CADPS2: variants seen among roughly 807,000 people sequenced by gnomAD.
The protein encoded by CADPS2 is calcium dependent secretion activator 2.
A neutral mutation model predicts 172.5 loss-of-function variants in CADPS2; 93 were observed. The ratio of observed to expected loss-of-function variants is 0.54; its 90% CI spans 0.46 to 0.64. CADPS2 has a LOEUF of 0.64. Among genes scored for constraint, CADPS2 ranks in the 30% least tolerant of loss-of-function variants. The pLI is 0.00. For synonymous variants in CADPS2, 546 were observed against 555.2 expected (o/e 0.98, Z 0.23); for missense variants, 1,420 against 1,565.9 (o/e 0.91, Z 1.57).
At chr7:122,757,843 T>C (rs1010853339) in intron 1 of CADPS2, among the ~76,000 whole-genome samples, 15 of 152,100 alleles carry the variant, frequency 9.9e-5, no homozygotes, top group African/African-American at 3.1e-4. Flanking sequence ...GACAAAGTGA[T>C]ACAAGTCTTA....
At chr7:122,501,983 C>G (rs2059244954) in intron 9 of CADPS2, among the ~76,000 whole-genome samples, 1 of 148,260 alleles carries the variant, frequency 6.7e-6, no homozygotes, top group South Asian at 2.2e-4. Context: ...TTATTTTATA[C>G]ATTCTCATTC....
intron 1 of CADPS2, among the ~76,000 whole-genome samples, chr7:122,766,548 G>A (rs1261198573): frequency 3.9e-5 from 6 of 152,080 alleles, no homozygotes; most frequent in Admixed American, 3.9e-4. Flanking sequence ...TAGGACAACT[G>A]TTCATTCCTT....
chr7:122,508,396 T>C (rs1166618283), intron 9 of CADPS2, among the ~76,000 whole-genome samples: 1 of 151,126 alleles, frequency 6.6e-6, no homozygotes, highest in Non-Finnish European at 1.5e-5. Flanking sequence ...AGGAGGATTG[T>C]TAAAGTACAT....
intron 26 of CADPS2, 36 bp from the exon 27 acceptor site, chr7:122,360,856 A>T: frequency 6.3e-7 from 1 of 1,586,204 alleles, no homozygotes; most frequent in Admixed American, 1.8e-5. Context: ...CATGAGAATT[A>T]TTTTTTTAAC....
intron 27 of CADPS2, among the ~76,000 whole-genome samples, chr7:122,348,044 A>C (rs1276820214): frequency 1.3e-5 from 2 of 152,218 alleles, no homozygotes; most frequent in East Asian, 3.8e-4. Flanking sequence ...AGTTGGGTAC[A>C]GCCCAGTTGA....
chr7:122,724,712 G>C (rs1359066061), intron 2 of CADPS2, among the ~76,000 whole-genome samples: 2 of 151,934 alleles, frequency 1.3e-5, no homozygotes, highest in African/African-American at 4.8e-5. Flanking sequence ...AATCCAGATA[G>C]AACAAAACTC....
At chr7:122,699,048 G>C in intron 2 of CADPS2, 1 of 655,600 alleles carries the variant, frequency 1.5e-6, no homozygotes, top group Non-Finnish European at 2.6e-6. Context: ...GCATGTTTTT[G>C]TAAGAAATTC....
intron 1 of CADPS2, among the ~76,000 whole-genome samples, chr7:122,880,107 C>G (rs1009344683): frequency 1.1e-4 from 17 of 152,184 alleles, no homozygotes; most frequent in African/African-American, 4.1e-4. Context: ...AGTTTGCCCA[C>G]TAACGGTTTT....
At chr7:122,758,361 C>T (rs1234765375) in intron 1 of CADPS2, among the ~76,000 whole-genome samples, 2 of 152,072 alleles carry the variant, frequency 1.3e-5, no homozygotes, top group African/African-American at 4.8e-5. Flanking sequence ...AGAATATATC[C>T]AATTCTTTGC....
At chr7:122,412,493 C>T (rs926447886) in intron 19 of CADPS2, among the ~76,000 whole-genome samples, 1 of 152,182 alleles carries the variant, frequency 6.6e-6, no homozygotes, top group South Asian at 2.1e-4. Flanking sequence ...CACATATGCA[C>T]AAATACGTGT....
intron 2 of CADPS2, among the ~76,000 whole-genome samples, chr7:122,696,422 C>T (rs1358120609): frequency 6.6e-6 from 1 of 152,194 alleles, no homozygotes; most frequent in Admixed American, 6.5e-5. Context: ...CAAGGCATGG[C>T]TCACACCTGG....
intron 3 of CADPS2, among the ~76,000 whole-genome samples, chr7:122,643,229 C>T (rs149071465): frequency 0.012 from 1,898 of 152,226 alleles, 19 homozygotes; most frequent in Non-Finnish European, 0.019. Flanking sequence ...GGCCTCAAAA[C>T]AATGGTCAAA....
At chr7:122,481,335 A>T (rs2152263520) in intron 11 of CADPS2, among the ~76,000 whole-genome samples, 1 of 152,256 alleles carries the variant, frequency 6.6e-6, no homozygotes, top group South Asian at 2.1e-4. Context: ...TGTTGTTAAC[A>T]AATTGAAACA....
intron 9 of CADPS2, among the ~76,000 whole-genome samples, chr7:122,510,621 T>C (rs1194263921): frequency 6.6e-6 from 1 of 152,144 alleles, no homozygotes; most frequent in Non-Finnish European, 1.5e-5. Flanking sequence ...AGATTCACAT[T>C]ATCAACAGAG....
intron 1 of CADPS2, among the ~76,000 whole-genome samples, chr7:122,834,642 G>A (rs548702095): frequency 9.8e-5 from 15 of 152,294 alleles, no homozygotes; most frequent in South Asian, 8.3e-4. Flanking sequence ...GATTATATAC[G>A]GCGCCTGGCT....
chr7:122,571,260 G>A (rs1484217547), intron 7 of CADPS2, among the ~76,000 whole-genome samples: 1 of 152,080 alleles, frequency 6.6e-6, no homozygotes, highest in Non-Finnish European at 1.5e-5. Flanking sequence ...TAGTGTTTTT[G>A]CTAAGTGCCA....
At chr7:122,527,525 A>G (rs1323562648) in intron 8 of CADPS2, among the ~76,000 whole-genome samples, 1 of 151,722 alleles carries the variant, frequency 6.6e-6, no homozygotes, top group African/African-American at 2.4e-5. Context: ...AAATTGACTT[A>G]AAAGAGTAGA....
At chr7:122,415,600 C>T (rs1276374101) in intron 18 of CADPS2, among the ~76,000 whole-genome samples, 1 of 123,706 alleles carries the variant, frequency 8.1e-6, no homozygotes. Flanking sequence ...AAATACAGAA[C>T]CAAAAAAAAA....
rs1563430595 is a variant in CADPS2, at chr7:122,471,566, C to A, written c.1999-4G>T. ...CTTGGCCAGGGCTAAACCATCCCTG[C>A]AAAATAAAAAAAGAATAGATATACA... On this transcript the variant is annotated splice_region_variant and splice_polypyrimidine_tract_variant and intron_variant, in intron 13 of 29. Transcript: ENST00000449022. 8.4e-6 allele frequency: 13 copies of A among 1,552,882 alleles called. 1 individual carries two copies. The South Asian group carries it at 1.1e-4, about 13-fold the overall frequency.
Sources: gnomAD v4.1 joint callset for allele counts (sites outside exome capture counted in the v4.1 genomes callset) on GRCh38, gnomAD v4.1.1 for gene constraint, MANE v1.5 for transcripts, NCBI Gene and HGNC (gene_info 2026-07-23, HGNC 2026-07-21) for gene names.